PROZ: variants seen among roughly 807,000 people sequenced by gnomAD.
The protein encoded by PROZ is vitamin K-dependent protein Z.
PROZ carries 46 observed loss-of-function variants against 34.9 expected under a neutral mutation model. That is an observed-to-expected ratio of 1.32 (90% CI 1.04 to 1.69). The LOEUF (loss-of-function observed/expected upper bound fraction) is 1.69, where lower values mean the gene tolerates loss of function less well. Ranked by LOEUF, PROZ falls within the 40% of genes most tolerant of loss-of-function variation. The pLI is 0.00. For missense variants in PROZ, 530 were observed against 520.4 expected, an observed-to-expected ratio of 1.02 and a Z score of -0.18; for synonymous variants, 195 against 208.5, an observed-to-expected ratio of 0.94 and a Z score of 0.56.
chr13:113,161,714 G>A (rs1047142529), intron 3 of PROZ, among the ~76,000 whole-genome samples: 1 of 151,958 alleles, frequency 6.6e-6, no homozygotes, highest in Non-Finnish European at 1.5e-5. Context: ...ATGGCATGGG[G>A]AGCAGCATGA....
rs557272951 is a variant in PROZ at position 113,162,765 on chromosome 13, T to G, written c.260-244T>G. On this transcript the variant is annotated intron_variant, in intron 3 of 7. Transcript: ENST00000375547. ...TGCTCAGGTCCCCGTCCCTGCCACGTCCCCCCATCCTCCTCCTGCTCAGGT... is the reference window on the plus strand; with the variant it reads ...TGCTCAGGTCCCCGTCCCTGCCACGGCCCCCCATCCTCCTCCTGCTCAGGT... Among the ~76,000 whole-genome samples, 6 of 79,060 alleles carry G rather than the reference T, an allele frequency of 7.6e-5. 1 individual carries two copies. Among genetic ancestry groups the G allele is most frequent in the East Asian group, 6.8e-4 (1 of 1,472 alleles). 51.9% of individuals were successfully genotyped at this position (79,060 alleles called of 152,430 possible). A position where few individuals can be genotyped will look rare whatever the true frequency, so the allele number is the denominator to read the frequency against.
chr13:113,161,837 CACGT>C, intron 3 of PROZ, among the ~76,000 whole-genome samples: 1 of 113,984 alleles, frequency 8.8e-6, no homozygotes, highest in Non-Finnish European at 1.9e-5. Context: ...CCGTCCCTGC[CACGT>C]CCCCCCATCC....
At position 113,172,276 on chromosome 13, in the gene PROZ, C is replaced by G. The variant is rs910265034; in HGVS notation, c.*171C>G. Reference sequence around the variant, plus strand: ...AGCCGCCGTTTGCTGGGTTGTTTACCGAGCACTGTGACCTTTCTTTCCCTG... The same window carrying G: ...AGCCGCCGTTTGCTGGGTTGTTTACGGAGCACTGTGACCTTTCTTTCCCTG... On this transcript the variant is annotated 3_prime_UTR_variant, in exon 8 of 8. Transcript: ENST00000375547. 1 of 850,096 alleles carries G rather than the reference C, an allele frequency of 1.2e-6. No individual in the cohort carries two copies. The highest frequency in any genetic ancestry group is 1.9e-6 in the Non-Finnish European group (1 of 537,288). 52.7% of individuals were successfully genotyped at this position (850,096 alleles called of 1,614,324 possible).
chr13:113,167,532 T>C (rs944881812), intron 6 of PROZ, among the ~76,000 whole-genome samples: 2 of 152,242 alleles, frequency 1.3e-5, no homozygotes, highest in African/African-American at 2.4e-5. Flanking sequence ...TTTGTATCCC[T>C]GGTAATATTA....
rs973936052 is a variant in PROZ, at chr13:113,163,127, G to C, written c.373+5G>C. Reference sequence around the variant, plus strand: ...AGGGCAGCAACTGCGAGCTGGGTGAGGCCCCGGCCGTCCCCTTCCCCCAAG... The same window carrying C: ...AGGGCAGCAACTGCGAGCTGGGTGACGCCCCGGCCGTCCCCTTCCCCCAAG... On this transcript the variant is annotated splice_donor_5th_base_variant and intron_variant, in intron 4 of 7. Coordinates refer to ENST00000375547, the MANE Select transcript of PROZ (RefSeq NM_003891.3). 1 of 1,546,914 alleles carries C rather than the reference G, an allele frequency of 6.5e-7. No homozygotes were observed. The highest frequency in any genetic ancestry group is 8.7e-7 in the Non-Finnish European group (1 of 1,142,952).
Position 113,170,443 on chromosome 13 carries a change from T to G in PROZ, c.604T>G (p.Phe202Val). 1 of 1,608,238 alleles carries G rather than the reference T, an allele frequency of 6.2e-7. No individual in the cohort carries two copies. Residue 202 changes from phenylalanine to valine, a missense_variant, in exon 7 of 8, where the codon TTC becomes GTC. Coordinates refer to ENST00000375547, the MANE Select transcript of PROZ (RefSeq NM_003891.3). ...VKLTNSEGKD[F>V]CGGVIIRENF... ...GTTAACAAATTCCGAAGGAAAAGAC[T>G]TCTGTGGTGGTGTTATAATACGGGA...
chr13:113,159,318 A>C lies in PROZ; in HGVS notation c.70+588A>C. On this transcript the variant is annotated intron_variant, in intron 1 of 7. Transcript: ENST00000375547. The surrounding 1 kb of genome is among the most constrained non-coding windows in gnomAD (Gnocchi z 4.6). Reference sequence around the variant, plus strand: ...GGCCCCATGGTCTCCCGCTGGCCCCATGGTCTCCCACCCTGAGAGGGTGAT... The same window carrying C: ...GGCCCCATGGTCTCCCGCTGGCCCCCTGGTCTCCCACCCTGAGAGGGTGAT... 1 of 1,476,004 alleles carries C rather than the reference A, an allele frequency of 6.8e-7. No individual in the cohort carries two copies. Among genetic ancestry groups the C allele is most frequent in the East Asian group, 2.5e-5 (1 of 40,518 alleles). The allele number at this position is 1,476,004 out of a possible 1,614,324, so 91.4% of individuals were successfully genotyped here.
chr13:113,160,233 C>T (rs2036737770), intron 2 of PROZ, 56 bp downstream of exon 2: 2 of 1,580,834 alleles, frequency 1.3e-6, no homozygotes, highest in Admixed American at 3.3e-5. Flanking sequence ...TTCTGCTGGC[C>T]CAGGGAGCAT....
intron 3 of PROZ, among the ~76,000 whole-genome samples, chr13:113,161,841 T>C (rs1350693905): frequency 2.4e-5 from 2 of 84,094 alleles, no homozygotes; most frequent in East Asian, 3.9e-4. Flanking sequence ...CCCTGCCACG[T>C]CCCCCCATCC....
intron 5 of PROZ, 141 bp downstream of exon 5, chr13:113,164,785 A>G: frequency 1.5e-6 from 2 of 1,357,948 alleles, no homozygotes; most frequent in Non-Finnish European, 1.0e-6. Flanking sequence ...CCGCGTCTCC[A>G]CGCTGGAGCA....
chr13:113,164,484 G>A, intron 4 of PROZ, 29 bp from the exon 5 acceptor site: 4 of 1,560,832 alleles, frequency 2.6e-6, no homozygotes, highest in South Asian at 2.3e-5. Context: ...TTCCAAGCTA[G>A]CATTTCCTTT....
rs1403164008 is a variant in PROZ at position 113,171,537 on chromosome 13, C to A, written c.692-57C>A. The A allele has an allele frequency of 1.1e-5, 18 of 1,609,698 alleles. No homozygotes were observed. The Admixed American group carries it at 3.0e-4, about 27-fold the overall frequency. On this transcript the variant is annotated intron_variant, in intron 7 of 7. Coordinates refer to ENST00000375547, the MANE Select transcript of PROZ (RefSeq NM_003891.3). This position sits in a 1 kb window ranked among gnomAD's most constrained non-coding sequence, Gnocchi z 5.1. The stretch of plus-strand genomic sequence containing the variant: ...TGGCTCCCTGAGAAGCTCGTTTGAG[C>A]ATTATGTCCCCTTGAAAATCAGACT...
Position 113,159,387 on chromosome 13 carries a change from G to C in PROZ, c.71-627G>C. The C allele has an allele frequency of 1.9e-6, 2 of 1,040,642 alleles. No individual in the cohort carries two copies. The highest frequency in any genetic ancestry group is 1.4e-6 in the Non-Finnish European group (1 of 704,254). The allele number at this position is 1,040,642 out of a possible 1,614,324, so 64.5% of individuals were successfully genotyped here. ...CCAGCACTTACCGTAGCCGGACTTA[G>C]CTGAGCCCCCCCTGCTGTAACCCTC... On this transcript the variant is annotated intron_variant, in intron 1 of 7. Coordinates refer to ENST00000375547, the MANE Select transcript of PROZ (RefSeq NM_003891.3). The surrounding 1 kb of genome is among the most constrained non-coding windows in gnomAD (Gnocchi z 4.6).
At chr13:113,170,969 C>T (rs751689088) in intron 7 of PROZ, among the ~76,000 whole-genome samples, 1 of 151,648 alleles carries the variant, frequency 6.6e-6, no homozygotes, top group Non-Finnish European at 1.5e-5. Flanking sequence ...ATCCCTCAGG[C>T]TGGAGTGCAG....
rs2037110414 is a variant in PROZ, at chr13:113,171,502, C to T, written c.692-92C>T. The T allele has an allele frequency of 2.6e-6, 4 of 1,543,104 alleles. No individual in the cohort carries two copies. Among genetic ancestry groups the T allele is most frequent in the Non-Finnish European group, 3.5e-6 (4 of 1,130,454 alleles). On this transcript the variant is annotated intron_variant, in intron 7 of 7. Transcript: ENST00000375547. The surrounding 1 kb of genome is among the most constrained non-coding windows in gnomAD (Gnocchi z 5.1). ...GCGGGTCCTCCAGGGCCGGTCTCTC[C>T]CTCCTCACGTGGCTCCCTGAGAAGC...
In PROZ at chr13:113,171,985, C is replaced by T; in HGVS notation, c.1083C>T (p.His361=). ...WMDGSVVTRE[H]RGSWFLTGVL... is the part of the protein sequence containing the mutation. ...ATGGAAGTGTGGTCACCAGAGAACA[C>T]AGAGGCTCCTGGTTTCTCACGGGGG... Residue 361 remains histidine (H), a synonymous_variant, in exon 8 of 8, where the codon CAC becomes CAT. Coordinates refer to ENST00000375547, the MANE Select transcript of PROZ (RefSeq NM_003891.3). The surrounding 1 kb of genome is among the most constrained non-coding windows in gnomAD (Gnocchi z 5.1). 1 of 1,613,394 alleles carries T rather than the reference C, an allele frequency of 6.2e-7. No homozygotes were observed. Among genetic ancestry groups the T allele is most frequent in the Non-Finnish European group, 8.5e-7 (1 of 1,180,040 alleles).
intron 5 of PROZ, 55 bp downstream of exon 5, chr13:113,164,699 C>A: frequency 6.2e-7 from 1 of 1,605,470 alleles, no homozygotes. Flanking sequence ...ACCCCGTCCA[C>A]ATCCTCCTTC....
At position 113,172,043 on chromosome 13, in the gene PROZ, C is replaced by T; in HGVS notation, c.1141C>T (p.His381Tyr). 1.9e-6 allele frequency: 3 copies of T among 1,613,118 alleles called. No homozygotes were observed. Among genetic ancestry groups the T allele is most frequent in the African/African-American group, 2.7e-5 (2 of 75,058 alleles). Residue 381 changes from histidine to tyrosine, a missense_variant, in exon 8 of 8, where the codon CAC becomes TAC. His to Tyr is a moderately conservative substitution (Grantham distance 83). Coordinates refer to ENST00000375547, the MANE Select transcript of PROZ (RefSeq NM_003891.3). ...CTCGCAGCCAGTAGGAGGGCAGGCTCACATGGTCCTTGTCACCAAGGTCTC... is the reference window on the plus strand; with the variant it reads ...CTCGCAGCCAGTAGGAGGGCAGGCTTACATGGTCCTTGTCACCAAGGTCTC... ...LGSQPVGGQA[H>Y]MVLVTKVSRY...
Position 113,172,245 on chromosome 13 carries a change from C to T in PROZ, c.*140C>T, listed in dbSNP as rs913169621. ...CAGACCACCCGCTTGGCCCACGCAG[C>T]AGCAGAGCCGCCGTTTGCTGGGTTG... On this transcript the variant is annotated 3_prime_UTR_variant, in exon 8 of 8. Transcript: ENST00000375547. 5.9e-5 allele frequency: 71 copies of T among 1,204,384 alleles called. No individual in the cohort carries two copies. The highest frequency in any genetic ancestry group is 8.1e-5 in the Non-Finnish European group (69 of 848,522). The allele number at this position is 1,204,384 out of a possible 1,614,324, so 74.6% of individuals were successfully genotyped here.
Sources: gnomAD v4.1 joint callset for allele counts (sites outside exome capture counted in the v4.1 genomes callset) on GRCh38, gnomAD v4.1.1 for gene constraint, Gnocchi (gnomAD v3.1) non-coding constraint, MANE v1.5 for transcripts, NCBI Gene and HGNC (gene_info 2026-07-23, HGNC 2026-07-21) for gene names.